NUDT3: variants seen among roughly 807,000 people sequenced by gnomAD.
The protein encoded by NUDT3 is diphosphoinositol polyphosphate phosphohydrolase 1.
NUDT3 carries 9 observed loss-of-function variants against 23.6 expected under a neutral mutation model. The ratio of observed to expected loss-of-function variants is 0.38; its 90% confidence interval spans 0.23 to 0.66. The LOEUF (loss-of-function observed/expected upper bound fraction) is 0.66. Among genes scored for constraint, NUDT3 ranks in the 30% least tolerant of loss-of-function variants. The pLI is 0.52. For missense variants in NUDT3, 172 were observed against 218.5 expected (o/e 0.79, Z 1.34); for synonymous variants, 86 against 82.6 (o/e 1.04, Z -0.22).
At chr6:34,320,249 G>T (rs7767431) in intron 2 of NUDT3, among the ~76,000 whole-genome samples, 8 of 151,716 alleles carry the variant, frequency 5.3e-5, no homozygotes, top group Non-Finnish European at 1.2e-4. Flanking sequence ...TTTTGGAGAC[G>T]GAGTCTCGTA....
In NUDT3 at chr6:34,287,894, T is replaced by C. The variant is rs1014124263; in HGVS notation, c.*859A>G. On this transcript the variant is annotated 3_prime_UTR_variant, in exon 5 of 5. Transcript: ENST00000607016. ...CATGTGGGGCAGAATTCAATTTCTA[T>C]CATTGTTTTTACAGATCTGGGCTGA... is the stretch of plus-strand genomic sequence containing the variant. 2 of 152,180 alleles carry C rather than the reference T, an allele frequency of 1.3e-5. No individual in the cohort carries two copies. Among genetic ancestry groups the C allele is most frequent in the African/African-American group, 4.8e-5 (2 of 41,438 alleles). 9.4% of individuals were successfully genotyped at this position (152,180 alleles called of 1,614,324 possible).
intron 3 of NUDT3, among the ~76,000 whole-genome samples, chr6:34,294,601 T>G (rs1304088634): frequency 6.6e-6 from 1 of 151,828 alleles, no homozygotes; most frequent in African/African-American, 2.4e-5. Context: ...TGGCGGGCAC[T>G]TGTAATCTCA....
chr6:34,335,725 A>G (rs991866062), intron 2 of NUDT3, among the ~76,000 whole-genome samples: 4 of 151,336 alleles, frequency 2.6e-5, no homozygotes, highest in Non-Finnish European at 5.9e-5. Flanking sequence ...TAAAAAAAAA[A>G]AGTGTTTTTT....
chr6:34,366,134 A>T (rs893706497), intron 1 of NUDT3, among the ~76,000 whole-genome samples: 1 of 151,442 alleles, frequency 6.6e-6, no homozygotes, highest in Non-Finnish European at 1.5e-5. Flanking sequence ...TGGGAGACCA[A>T]GGCCAGCAGA....
At chr6:34,291,174 G>A (rs1045411977) in intron 4 of NUDT3, among the ~76,000 whole-genome samples, 6 of 152,074 alleles carry the variant, frequency 3.9e-5, no homozygotes, top group African/African-American at 1.2e-4. Flanking sequence ...GGACAGGCTG[G>A]TCTCGAACTC....
At chr6:34,339,375 T>C (rs149495579) in intron 2 of NUDT3, among the ~76,000 whole-genome samples, 1 of 152,290 alleles carries the variant, frequency 6.6e-6, no homozygotes, top group Non-Finnish European at 1.5e-5. Flanking sequence ...TCAAAGAGCA[T>C]TTCTCTCCAC....
chr6:34,313,884 G>C (rs989773737), intron 2 of NUDT3, among the ~76,000 whole-genome samples: 3 of 151,856 alleles, frequency 2.0e-5, no homozygotes, highest in African/African-American at 7.3e-5. Context: ...GATCATCTGA[G>C]GCTGGGAGTT....
intron 2 of NUDT3, among the ~76,000 whole-genome samples, chr6:34,324,319 C>T (rs1448560774): frequency 2.0e-5 from 3 of 151,092 alleles, no homozygotes; most frequent in Non-Finnish European, 2.9e-5. Context: ...CACACCACTG[C>T]ACTCCAGCAT....
In NUDT3 at chr6:34,280,201, C is replaced by T. The variant is rs909207612; in HGVS notation, c.*8552G>A. 2 of 152,252 alleles carry T rather than the reference C, an allele frequency of 1.3e-5. No individual in the cohort carries two copies. Among genetic ancestry groups the T allele is most frequent in the African/African-American group, 4.8e-5 (2 of 41,466 alleles). The allele number at this position is 152,252 out of a possible 1,614,324, so 9.4% of individuals were successfully genotyped here. A position where few individuals can be genotyped will look rare whatever the true frequency, so the allele number is the denominator to read the frequency against. Reference sequence around the variant, plus strand: ...CTTCCGCCTTCTCTGGACCAAATTTCACTCCCCTCAGCTCCAGAGAGTGCT... The same window carrying T: ...CTTCCGCCTTCTCTGGACCAAATTTTACTCCCCTCAGCTCCAGAGAGTGCT... On this transcript the variant is annotated 3_prime_UTR_variant, in exon 5 of 5. Coordinates refer to ENST00000607016, the MANE Select transcript of NUDT3 (RefSeq NM_006703.4).
chr6:34,351,220 A>AAAAAAC (rs1764468473), intron 1 of NUDT3, among the ~76,000 whole-genome samples: 2 of 136,242 alleles, frequency 1.5e-5, no homozygotes, highest in Non-Finnish European at 1.6e-5. Flanking sequence ...AAAAAAAAAA[A>AAAAAAC]AAAAAACACT....
chr6:34,354,745 ATATATATT>A (rs2113746723), intron 1 of NUDT3, among the ~76,000 whole-genome samples: 1 of 123,892 alleles, frequency 8.1e-6, no homozygotes, highest in African/African-American at 2.7e-5. Context: ...GTATATATAT[ATATATATT>A]TATTTACTTT....
At chr6:34,334,782 A>G (rs1764181828) in intron 2 of NUDT3, among the ~76,000 whole-genome samples, 1 of 152,000 alleles carries the variant, frequency 6.6e-6, no homozygotes, top group African/African-American at 2.4e-5. Flanking sequence ...AATAATAATA[A>G]ATTAGCCAGG....
At chr6:34,330,370 T>C (rs1208035203) in intron 2 of NUDT3, among the ~76,000 whole-genome samples, 2 of 152,210 alleles carry the variant, frequency 1.3e-5, no homozygotes, top group African/African-American at 4.8e-5. Context: ...TACCTCATTG[T>C]GGTTTTGATT....
At chr6:34,312,351 G>A (rs572337398) in intron 2 of NUDT3, among the ~76,000 whole-genome samples, 1 of 150,874 alleles carries the variant, frequency 6.6e-6, no homozygotes, top group Non-Finnish European at 1.5e-5. Flanking sequence ...GCAGTGAGCT[G>A]TGATCTTGCC....
chr6:34,351,216 A>AAAAAAAAAAAAAAAAAAAAC (rs1561915130), intron 1 of NUDT3, among the ~76,000 whole-genome samples: 1 of 130,732 alleles, frequency 7.6e-6, no homozygotes, highest in African/African-American at 3.4e-5. Flanking sequence ...AAAAAAAAAA[A>AAAAAAAAAAAAAAAAAAAAC]AAAAAAAAAA....
intron 2 of NUDT3, among the ~76,000 whole-genome samples, chr6:34,310,391 G>A (rs190155042): frequency 4.9e-4 from 74 of 152,188 alleles, no homozygotes; most frequent in Middle Eastern, 3.4e-3. Flanking sequence ...TTAGCCGGGC[G>A]CGGTGGTACA....
At position 34,392,281 on chromosome 6, in the gene NUDT3, T is replaced by G; in HGVS notation, c.82A>C (p.Ser28Arg). ...KKRAACLCFR[S>R]ESEEEVLLVS... Reference sequence around the variant, plus strand: ...CGCCTCACCTCCTCCTCGCTCTCGCTGCGGAAACACAGGCATGCGGCCCGC... The same window carrying G: ...CGCCTCACCTCCTCCTCGCTCTCGCGGCGGAAACACAGGCATGCGGCCCGC... The change falls in exon 1 of 5, where the codon AGC becomes CGC. Residue 28 changes from serine to arginine, a missense_variant. Physicochemically the swap from Ser to Arg is moderately radical, Grantham distance 110 (BLOSUM62 -1). This residue lies in a region of NUDT3 where 50 missense variants were observed against 46.2 expected (regional missense o/e 1.08). Transcript: ENST00000607016. 1 of 1,602,592 alleles carries G rather than the reference T, an allele frequency of 6.2e-7. No individual in the cohort carries two copies. Among genetic ancestry groups the G allele is most frequent in the Non-Finnish European group, 8.5e-7 (1 of 1,176,896 alleles).
rs112476753 is a variant in NUDT3, at chr6:34,371,807, A to G, written c.99+20457T>C. Among the ~76,000 whole-genome samples the G allele has an allele frequency of 3.3e-3, 502 of 152,310 alleles. 4 individuals carry two copies. Among genetic ancestry groups the G allele is most frequent in the Middle Eastern group, 0.027 (8 of 294 alleles). On this transcript the variant is annotated intron_variant, in intron 1 of 4. Transcript: ENST00000607016. ...CATGTACACAACGTGCAGGTTTGTT[A>G]CATACGTATACATGTGCCATGTTGG...
intron 2 of NUDT3, among the ~76,000 whole-genome samples, chr6:34,328,345 T>C (rs1764074042): frequency 1.3e-5 from 2 of 152,196 alleles, no homozygotes; most frequent in East Asian, 1.9e-4. Context: ...GTATACACAT[T>C]GGGACTTAAC....
Sources: allele counts gnomAD v4.1 joint callset (sites outside exome capture counted in the v4.1 genomes callset), GRCh38; gene constraint gnomAD v4.1.1; regional missense constraint gnomAD v4.1.1; transcripts MANE v1.5; gene names NCBI Gene and HGNC (gene_info 2026-07-23, HGNC 2026-07-21).